The following SELP variants were observed in gnomAD, a reference collection of about 807,000 sequenced individuals.
SELP encodes the protein P-selectin.
In SELP, 92 loss-of-function variants were observed where a neutral mutation model predicts 104.1. The observed-to-expected ratio is 0.88, with a 90% CI of 0.75 to 1.05. The LOEUF (loss-of-function observed/expected upper bound fraction) is 1.05. Among genes scored for constraint, SELP ranks in the 50% least tolerant of loss-of-function variants. The pLI is 0.00. For synonymous variants in SELP, 397 were observed against 364.5 expected (o/e 1.09, Z -1.01); for missense variants, 1,022 against 1,017.3 (o/e 1.00, Z -0.06).
intron 1 of SELP, among the ~76,000 whole-genome samples, chr1:169,624,770 TA>T (rs1663295305): frequency 6.6e-6 from 1 of 151,810 alleles, no homozygotes; most frequent in Non-Finnish European, 1.5e-5. Context: ...GCAAAAAAAC[TA>T]ATAATGATTG....
chr1:169,623,652 G>A (rs1663240151), intron 1 of SELP, among the ~76,000 whole-genome samples: 1 of 152,186 alleles, frequency 6.6e-6, no homozygotes, highest in Non-Finnish European at 1.5e-5. Flanking sequence ...GCAAGTCAGT[G>A]TGCATCCCCT....
intron 9 of SELP, among the ~76,000 whole-genome samples, chr1:169,605,027 G>A (rs1392979024): frequency 1.3e-5 from 2 of 152,188 alleles, no homozygotes; most frequent in Non-Finnish European, 2.9e-5. Context: ...AGAACTAAAA[G>A]CAGAAGGGAA....
chr1:169,616,816 A>G (rs974420964), intron 3 of SELP, among the ~76,000 whole-genome samples: 3 of 152,156 alleles, frequency 2.0e-5, no homozygotes, highest in African/African-American at 7.2e-5. Flanking sequence ...ATGATATTAA[A>G]ATTTCCCTCT....
chr1:169,596,725 G>A (rs1034397501), intron 11 of SELP, among the ~76,000 whole-genome samples: 1 of 152,138 alleles, frequency 6.6e-6, no homozygotes, highest in Non-Finnish European at 1.5e-5. Flanking sequence ...AATTAATGGA[G>A]ACCATTCCGT....
In SELP at chr1:169,612,980, G is replaced by C. The variant is rs1259287495; in HGVS notation, c.724C>G (p.Leu242Val). 3.7e-6 allele frequency: 6 copies of C among 1,613,582 alleles called. No individual in the cohort carries two copies. The highest frequency in any genetic ancestry group is 1.1e-5 in the South Asian group (1 of 91,048). Residue 242 changes from leucine (L) to valine (V), a missense_variant, in exon 5 of 17, where the codon CTG (leucine) becomes GTG (valine). Physicochemically the swap from Leu to Val is conservative, Grantham distance 32. Transcript: ENST00000263686. ...CAGATTCCAGAAGCCAAGCATTCCA[G>C]CTTGCTGGGCCCATTTACTTGGTAC... ...DGYQVNGPSK[L>V]ECLASGIWTN...
chr1:169,611,572 G>T lies in SELP; in HGVS notation c.1067C>A (p.Pro356His). The change falls in exon 7 of 17, where the codon CCC (proline) becomes CAC (histidine). Residue 356 changes from proline (P) to histidine (H), a missense_variant. Physicochemically the swap from Pro to His is moderately conservative, Grantham distance 77. Transcript: ENST00000263686. ...YGSSCKFECQPGYRVRGLDML... is the reference protein window; with the variant it reads ...YGSSCKFECQHGYRVRGLDML... ...GTCCAAGCCCCTCACTCTGTAGCCG[G>T]GCTGGCACTCAAATTTACAGCTGGA... is the stretch of plus-strand genomic sequence containing the variant. 6.2e-7 allele frequency: 1 copy of T among 1,614,088 alleles called. No homozygotes were observed. The highest frequency in any genetic ancestry group is 1.1e-5 in the South Asian group (1 of 91,078).
At chr1:169,603,330 T>C in intron 9 of SELP, 119 bp from the exon 10 acceptor site, 2 of 731,010 alleles carry the variant, frequency 2.7e-6, no homozygotes, top group Non-Finnish European at 4.4e-6. Flanking sequence ...TGTGTGTGTG[T>C]GTGTGTGTGT....
intron 15 of SELP, 52 bp from the exon 16 acceptor site, chr1:169,590,254 A>G: frequency 3.3e-6 from 4 of 1,216,512 alleles, no homozygotes; most frequent in Non-Finnish European, 4.8e-6. Flanking sequence ...AGTTCTCGAC[A>G]ACACAGTCCA....
rs144983771 is a variant in SELP, at chr1:169,627,000, TGA to T, written c.3+3070_3+3071del. Among the ~76,000 whole-genome samples, 1,070 of 152,136 alleles carry T rather than the reference TGA, an allele frequency of 7.0e-3. 13 individuals are homozygous for T. Among genetic ancestry groups the T allele is most frequent in the African/African-American group, 0.025 (1,016 of 41,462 alleles). ...AGTGCGATACTTTTTTTTTTTTAAATGAGTTACAATCAGGGAGATTGCACTGC... is the reference window on the plus strand; with the variant it reads ...AGTGCGATACTTTTTTTTTTTTAAATGTTACAATCAGGGAGATTGCACTGC... On this transcript the variant is annotated intron_variant, in intron 1 of 16. Transcript: ENST00000263686.
intron 1 of SELP, 91 bp downstream of exon 1, chr1:169,629,981 C>T (rs192861154): frequency 1.3e-6 from 2 of 1,519,904 alleles, no homozygotes; most frequent in African/African-American, 1.4e-5. Context: ...TATCGCTGTT[C>T]CTCACTTTCT....
Position 169,594,659 on chromosome 1 carries a change from A to G in SELP, c.2287+33T>C, listed in dbSNP as rs758638080. The stretch of plus-strand genomic sequence containing the variant: ...CACTGATTTTGTTATTTTCCACATC[A>G]AAGTGACTTCTTAACCCACATGAAA... On this transcript the variant is annotated intron_variant, in intron 13 of 16. Transcript: ENST00000263686. 5 of 1,595,780 alleles carry G rather than the reference A, an allele frequency of 3.1e-6. No homozygotes were observed. The African/African-American group carries it at 4.0e-5, about 13-fold the overall frequency.
At chr1:169,620,949 CTGTGTG>C (rs57455285) in intron 1 of SELP, among the ~76,000 whole-genome samples, 7 of 76,950 alleles carry the variant, frequency 9.1e-5, no homozygotes, top group South Asian at 5.8e-4. Flanking sequence ...GTGTGGGGTT[CTGTGTG>C]TGTGTGTGTG....
chr1:169,629,010 G>T (rs1424028722), intron 1 of SELP, among the ~76,000 whole-genome samples: 2 of 152,124 alleles, frequency 1.3e-5, no homozygotes, highest in Non-Finnish European at 2.9e-5. Context: ...CTTTTTTCTG[G>T]AGTCCCACAG....
intron 5 of SELP, 136 bp downstream of exon 5, chr1:169,612,793 A>G: frequency 1.5e-6 from 1 of 674,498 alleles, no homozygotes; most frequent in Non-Finnish European, 2.4e-6. Context: ...TTGACAGTTA[A>G]CAGTGATAAC....
At chr1:169,624,063 G>A (rs1571682103) in intron 1 of SELP, among the ~76,000 whole-genome samples, 1 of 152,180 alleles carries the variant, frequency 6.6e-6, no homozygotes, top group African/African-American at 2.4e-5. Context: ...TGTTTAATGT[G>A]GCCCAAGTTC....
At position 169,606,987 on chromosome 1, in the gene SELP, G is replaced by T. The variant is rs746416794; in HGVS notation, c.1481C>A (p.Ala494Asp). ...LVGASVLQCL[A>D]TGNWNSVPPE... is the part of the protein sequence containing the mutation. ...AGGAACAGAATTCCAGTTTCCAGTA[G>T]CCAAGCACTGTAGCACACTTGCTCC... is the stretch of plus-strand genomic sequence containing the variant. The change falls in exon 9 of 17, where the codon GCT becomes GAT. Residue 494 changes from alanine to aspartate, a missense_variant. Ala to Asp is a moderately radical substitution (Grantham distance 126, BLOSUM62 -2). Coordinates refer to ENST00000263686, the MANE Select transcript of SELP (RefSeq NM_003005.4). The T allele has an allele frequency of 2.5e-6, 4 of 1,613,606 alleles. No homozygotes were observed. The South Asian group carries it at 4.4e-5, about 18-fold the overall frequency.
At chr1:169,592,668 C>T (rs547518708) in intron 14 of SELP, among the ~76,000 whole-genome samples, 13 of 152,284 alleles carry the variant, frequency 8.5e-5, no homozygotes, top group African/African-American at 3.1e-4. Flanking sequence ...GATGAACAGT[C>T]TGATGAACAC....
chr1:169,610,825 A>G (rs983430629), intron 7 of SELP, among the ~76,000 whole-genome samples: 5 of 151,724 alleles, frequency 3.3e-5, no homozygotes, highest in African/African-American at 1.2e-4. Flanking sequence ...CAAAAACACC[A>G]AAATCCTCTA....
At chr1:169,620,265 C>T (rs999214126) in intron 1 of SELP, among the ~76,000 whole-genome samples, 13 of 152,144 alleles carry the variant, frequency 8.5e-5, no homozygotes, top group East Asian at 5.8e-4. Context: ...TCATCTTGTC[C>T]GACTTCCTCA....
Sources: allele counts gnomAD v4.1 joint callset (sites outside exome capture counted in the v4.1 genomes callset), GRCh38; gene constraint gnomAD v4.1.1; transcripts MANE v1.5; gene names NCBI Gene and HGNC (gene_info 2026-07-23, HGNC 2026-07-21).